Variants in HSF4 observed in about 807,000 individuals in gnomAD.
HSF4 encodes heat shock transcription factor 4.
HSF4 carries 41 observed loss-of-function variants against 52.0 expected under a neutral mutation model. The ratio of observed to expected loss-of-function variants is 0.79; its 90% CI spans 0.61 to 1.02. The LOEUF (loss-of-function observed/expected upper bound fraction) is 1.02, where lower values mean the gene tolerates loss of function less well. Ranked by LOEUF, HSF4 falls within the 50% of genes least tolerant of loss-of-function variation. The pLI, the probability that HSF4 is intolerant of heterozygous loss-of-function variation, is 0.00. For missense variants in HSF4, 610 were observed against 651.1 expected (o/e 0.94, Z 0.69); for synonymous variants, 285 against 273.0 (o/e 1.04, Z -0.43).
rs1267278142 is a variant in HSF4, at chr16:67,167,180, T to G, written c.687T>G (p.Pro229=). Residue 229 remains proline (P), a synonymous_variant, in exon 7 of 13, where the codon CCT becomes CCG. Coordinates refer to ENST00000521374, the MANE Select transcript of HSF4 (RefSeq NM_001374675.1). The stretch of plus-strand genomic sequence containing the variant: ...CACCTGCCAAGTTCAACACCTGCCC[T>G]CTACCTGGTGCCCTTCTGCAGGACC... The part of the protein sequence containing the change: ...CPTPAKFNTC[P]LPGALLQDPY... 2 of 1,614,038 alleles carry G rather than the reference T, an allele frequency of 1.2e-6. No individual in the cohort carries two copies. Among genetic ancestry groups the G allele is most frequent in the Non-Finnish European group, 1.7e-6 (2 of 1,180,012 alleles).
chr16:67,167,800 A>G lies in HSF4; in HGVS notation c.935A>G (p.Asn312Ser). 6.3e-7 allele frequency: 1 copy of G among 1,597,714 alleles called. No individual in the cohort carries two copies. The highest frequency in any genetic ancestry group is 8.5e-7 in the Non-Finnish European group (1 of 1,172,684). ...DGEAGLALAPNECDFCVTAPP... is the reference protein window; with the variant it reads ...DGEAGLALAPSECDFCVTAPP... ...GAGGCCGGGCTGGCCCTGGCCCCAA[A>G]CGAGTGTGACTTCTGCGTGACAGCC... Residue 312 changes from asparagine (N) to serine (S), a missense_variant, in exon 9 of 13, where the codon AAC (asparagine) becomes AGC (serine). Asn to Ser is a conservative substitution (Grantham distance 46). Coordinates refer to ENST00000521374, the MANE Select transcript of HSF4 (RefSeq NM_001374675.1).
chr16:67,164,587 C>T, upstream of HSF4: 3 of 505,998 alleles, frequency 5.9e-6, no homozygotes, highest in South Asian at 5.1e-5. Context: ...CACCCCACCC[C>T]TCCACTCCAC....
At position 67,169,646 on chromosome 16, in the gene HSF4, T is replaced by C. The variant is rs776068773; in HGVS notation, c.1340T>C (p.Leu447Pro). 6.2e-7 allele frequency: 1 copy of C among 1,609,430 alleles called. No homozygotes were observed. Among genetic ancestry groups the C allele is most frequent in the South Asian group, 1.1e-5 (1 of 91,078 alleles). The change falls in exon 13 of 13, where the codon CTC becomes CCC. Residue 447 changes from leucine to proline, a missense_variant. Physicochemically the swap from Leu to Pro is moderately conservative, Grantham distance 98. Transcript: ENST00000521374. The surrounding 1 kb of genome is among the most constrained non-coding windows in gnomAD (Gnocchi z 4.3). ...NSPSPGKDPT[L>P]GAPLLLDVQA... ...CTTCTCCTAGGGAAGGACCCCACGC[T>C]CGGGGCCCCACTCCTGCTGGATGTC...
At chr16:67,164,658 C>T (rs1347232006), upstream of HSF4, 6 of 843,734 alleles carry the variant, frequency 7.1e-6, no homozygotes, top group East Asian at 3.4e-5. Flanking sequence ...GGCCGCTGTC[C>T]GAGCCCCGCC....
In HSF4 at chr16:67,169,515, G is replaced by A; in HGVS notation, c.1325-116G>A. 6.3e-7 allele frequency: 1 copy of A among 1,591,824 alleles called. No homozygotes were observed. Among genetic ancestry groups the A allele is most frequent in the Middle Eastern group, 1.9e-4 (1 of 5,230 alleles). ...CCTCACCATTGGGCGAGAGTGGGGAGGTTAAGAATGGATGTTTTATCCTAA... is the reference window on the plus strand; with the variant it reads ...CCTCACCATTGGGCGAGAGTGGGGAAGTTAAGAATGGATGTTTTATCCTAA... On this transcript the variant is annotated intron_variant, in intron 12 of 12. Transcript: ENST00000521374. The surrounding 1 kb of genome is among the most constrained non-coding windows in gnomAD (Gnocchi z 4.3).
Position 67,169,810 on chromosome 16 carries a change from G to C in HSF4, c.*25G>C. 6.2e-7 allele frequency: 1 copy of C among 1,612,880 alleles called. No homozygotes were observed. On this transcript the variant is annotated 3_prime_UTR_variant, in exon 13 of 13. Transcript: ENST00000521374. The surrounding 1 kb of genome is among the most constrained non-coding windows in gnomAD (Gnocchi z 4.3). ...AGACCCCGCGCCTCTGAAGGGGCTT[G>C]GAACCAGTCCGCCGCTGCACATCCT...
rs909366823 is a variant in HSF4, at chr16:67,165,767, C to T, written c.281C>T (p.Pro94Leu). The stretch of plus-strand genomic sequence containing the variant: ...ATCGAGCAGGGCGGCCTGCTTAGGC[C>T]GGAGCGCGACCACGTCGAGTTCCAG... The part of the protein sequence containing the change: ...VSIEQGGLLR[P>L]ERDHVEFQHP... The change falls in exon 3 of 13, where the codon CCG becomes CTG. Residue 94 changes from proline (P) to leucine (L), a missense_variant. Transcript: ENST00000521374. The surrounding 1 kb of genome is among the most constrained non-coding windows in gnomAD (Gnocchi z 6.9). 1.9e-6 allele frequency: 3 copies of T among 1,610,578 alleles called. No individual in the cohort carries two copies. Among genetic ancestry groups the T allele is most frequent in the African/African-American group, 2.7e-5 (2 of 74,882 alleles).
chr16:67,168,337 G>A (rs1051791657), intron 9 of HSF4, among the ~76,000 whole-genome samples: 1 of 152,150 alleles, frequency 6.6e-6, no homozygotes, highest in Non-Finnish European at 1.5e-5. Context: ...AGCTGGGTGT[G>A]GTGGCGTTTG....
upstream of HSF4, chr16:67,164,195 C>T: frequency 2.0e-6 from 1 of 497,918 alleles, no homozygotes. Context: ...CTATTAAAGG[C>T]GGGGTCGGAT....
chr16:67,165,874 AGAG>A lies in HSF4; in HGVS notation c.360+36_360+38del. 5 of 1,598,216 alleles carry A rather than the reference AGAG, an allele frequency of 3.1e-6. No individual in the cohort carries two copies. The highest frequency in any genetic ancestry group is 1.7e-5 in the Admixed American group (1 of 59,860). ...GGGGGCGGCCTGCGGGAATGAGCAA[AGAG>A]GAGGAGGGGTGCTGGGACTGCCTGC... On this transcript the variant is annotated intron_variant, in intron 3 of 12. Transcript: ENST00000521374. The surrounding 1 kb of genome is among the most constrained non-coding windows in gnomAD (Gnocchi z 6.9).
intron 7 of HSF4, 111 bp downstream of exon 7, chr16:67,167,333 A>C: frequency 6.2e-7 from 1 of 1,609,364 alleles, no homozygotes; most frequent in African/African-American, 1.3e-5. Flanking sequence ...CCTTCCCCCC[A>C]ACCAGACCCA....
At chr16:67,163,870 G>T (rs578096460), upstream of HSF4, 19 of 1,366,706 alleles carry the variant, frequency 1.4e-5, no homozygotes, top group Admixed American at 5.2e-4. Context: ...CTCTGAGAGG[G>T]AACGGGGGGG....
chr16:67,167,096 C>T (rs1313246341), intron 6 of HSF4, 24 bp from the exon 7 acceptor site: 5 of 1,613,998 alleles, frequency 3.1e-6, no homozygotes, highest in Non-Finnish European at 3.4e-6. Context: ...CCCACCCCTG[C>T]CTGTGCCCTG....
rs372719519 is a variant in HSF4 at position 67,164,760 on chromosome 16, G to T, written c.-52G>T. 3.4e-4 allele frequency: 524 copies of T among 1,553,052 alleles called. No individual in the cohort carries two copies. Among genetic ancestry groups the T allele is most frequent in the Non-Finnish European group, 4.4e-4 (505 of 1,159,492 alleles). Reference sequence around the variant, plus strand: ...CAAACGCAGCACTTTCCGCGGCTTTGACGAGCCCGCAGCGGCCGGGCCCGA... The same window carrying T: ...CAAACGCAGCACTTTCCGCGGCTTTTACGAGCCCGCAGCGGCCGGGCCCGA... On this transcript the variant is annotated 5_prime_UTR_variant, in exon 1 of 13. Coordinates refer to ENST00000521374, the MANE Select transcript of HSF4 (RefSeq NM_001374675.1).
rs572189241 is a variant in HSF4, at chr16:67,165,097, C to T, written c.123+163C>T. On this transcript the variant is annotated intron_variant, in intron 1 of 12. Transcript: ENST00000521374. This position sits in a 1 kb window ranked among gnomAD's most constrained non-coding sequence, Gnocchi z 6.9. The stretch of plus-strand genomic sequence containing the variant: ...AGGGGGTGTGCGAGAGGGGGGTTTC[C>T]TCTGCGGCCGAAGAAGGGTTAGGAG... 1.0e-5 allele frequency: 8 copies of T among 784,586 alleles called. No homozygotes were observed. The East Asian group carries it at 1.1e-4, about 11-fold the overall frequency. The allele number at this position is 784,586 out of a possible 1,614,324, so 48.6% of individuals were successfully genotyped here.
upstream of HSF4, chr16:67,163,782 C>A: frequency 1.9e-6 from 3 of 1,568,556 alleles, no homozygotes; most frequent in South Asian, 3.5e-5. Flanking sequence ...CAAGCTCACG[C>A]GCGAGCCGCA....
Position 67,165,753 on chromosome 16 carries a change from C to A in HSF4, c.267C>A (p.Gly89=). The A allele has an allele frequency of 6.2e-7, 1 of 1,611,458 alleles. No homozygotes were observed. Among genetic ancestry groups the A allele is most frequent in the Non-Finnish European group, 8.5e-7 (1 of 1,179,782 alleles). ...GFRKVVSIEQ[G]GLLRPERDHV... The stretch of plus-strand genomic sequence containing the variant: ...GGAAGGTGGTGAGCATCGAGCAGGG[C>A]GGCCTGCTTAGGCCGGAGCGCGACC... Residue 89 remains glycine, a synonymous_variant, in exon 3 of 13, where the codon GGC becomes GGA. Transcript: ENST00000521374. This position sits in a 1 kb window ranked among gnomAD's most constrained non-coding sequence, Gnocchi z 6.9.
chr16:67,167,360 C>A (rs995810245), intron 7 of HSF4, 115 bp from the exon 8 acceptor site: 1 of 1,610,604 alleles, frequency 6.2e-7, no homozygotes, highest in East Asian at 2.2e-5. Flanking sequence ...CCAGCATGGA[C>A]TGAGCCTCCT....
intron 10 of HSF4, 45 bp downstream of exon 10, chr16:67,168,981 G>T (rs1407344138): frequency 6.2e-7 from 1 of 1,612,608 alleles, no homozygotes; most frequent in Non-Finnish European, 8.5e-7. Context: ...ACCTGGTGGG[G>T]TCTAGCTCTC....
Sources: gnomAD v4.1 joint callset for allele counts (sites outside exome capture counted in the v4.1 genomes callset) on GRCh38, gnomAD v4.1.1 for gene constraint, Gnocchi (gnomAD v3.1) non-coding constraint, MANE v1.5 for transcripts, NCBI Gene and HGNC (gene_info 2026-07-23, HGNC 2026-07-21) for gene names.